Variants in SCAPER observed in about 807,000 individuals in gnomAD.
SCAPER encodes S phase cyclin A-associated protein in the endoplasmic reticulum.
SCAPER carries 98 observed loss-of-function variants against 182.2 expected under a neutral mutation model. The ratio of observed to expected loss-of-function variants is 0.54; its 90% confidence interval spans 0.46 to 0.64. The LOEUF is 0.64. SCAPER is among the 30% of genes least tolerant of loss of function. SCAPER has a pLI of 0.00. For missense variants in SCAPER, 1,432 were observed against 1,690.0 expected, an observed-to-expected ratio of 0.85 and a Z score of 2.68; for synonymous variants, 605 against 564.6, an observed-to-expected ratio of 1.07 and a Z score of -1.01.
intron 1 of SCAPER, among the ~76,000 whole-genome samples, chr15:76,895,096 C>T (rs1182236702): frequency 6.6e-6 from 1 of 152,130 alleles, no homozygotes; most frequent in East Asian, 1.9e-4. Flanking sequence ...ATTACAGGCC[C>T]ATATCCCTGA....
At chr15:76,740,913 G>A (rs990749786) in intron 15 of SCAPER, among the ~76,000 whole-genome samples, 1 of 151,992 alleles carries the variant, frequency 6.6e-6, no homozygotes, top group Non-Finnish European at 1.5e-5. Context: ...GATGATATAC[G>A]AGTGCTAATT....
At chr15:76,654,880 G>A (rs1029813257) in intron 21 of SCAPER, among the ~76,000 whole-genome samples, 3 of 152,102 alleles carry the variant, frequency 2.0e-5, no homozygotes, top group African/African-American at 7.2e-5. Context: ...AAACCTCCAA[G>A]GGCAGCAAAG....
At chr15:76,406,403 G>A (rs1004745904) in intron 26 of SCAPER, among the ~76,000 whole-genome samples, 1 of 151,854 alleles carries the variant, frequency 6.6e-6, no homozygotes, top group African/African-American at 2.4e-5. Flanking sequence ...GCTTGAACCC[G>A]GGAAGTCGAA....
rs886263280 is a variant in SCAPER at position 76,351,438 on chromosome 15, G to A, written c.4048-150C>T. The A allele has an allele frequency of 7.1e-6, 4 of 559,528 alleles. No homozygotes were observed. In the South Asian group the frequency reaches 1.2e-4, roughly 16 times the overall value. 34.7% of individuals were successfully genotyped at this position (559,528 alleles called of 1,614,324 possible). On this transcript the variant is annotated intron_variant, in intron 30 of 31. Transcript: ENST00000563290. ...TAAACGCTGAAGAAACTGATGTTAC[G>A]TAGTGCAGGTTCTCATAAATAGTAA...
Position 76,440,180 on chromosome 15 carries a change from A to T in SCAPER, c.3079-5870T>A, listed in dbSNP as rs73442149. On this transcript the variant is annotated intron_variant, in intron 25 of 31. Coordinates refer to ENST00000563290, the MANE Select transcript of SCAPER (RefSeq NM_020843.4). ...AGGAGAAAAAGACTTCCTTGAGGAT[A>T]CAGAAATCATCAGGGCTGGAATAGA... is the stretch of plus-strand genomic sequence containing the variant. Among the ~76,000 whole-genome samples the T allele has an allele frequency of 4.5e-3, 679 of 152,362 alleles. 7 individuals are homozygous for T. The highest frequency in any genetic ancestry group is 0.016 in the African/African-American group (647 of 41,588).
chr15:76,497,009 A>T (rs2040612170), intron 24 of SCAPER, among the ~76,000 whole-genome samples: 2 of 151,982 alleles, frequency 1.3e-5, no homozygotes, highest in Admixed American at 1.3e-4. Context: ...GAGAAAATGA[A>T]CAACCATACC....
chr15:76,472,114 C>G, intron 24 of SCAPER: 1 of 364,428 alleles, frequency 2.7e-6, no homozygotes, highest in South Asian at 2.3e-5. Flanking sequence ...CAAGAAAAAG[C>G]TGAAGGGGAT....
intron 15 of SCAPER, among the ~76,000 whole-genome samples, chr15:76,749,656 A>G (rs1418762181): frequency 4.6e-5 from 7 of 151,706 alleles, no homozygotes; most frequent in Admixed American, 6.6e-5. Context: ...TTAAAACAAA[A>G]TATCATTGAA....
At chr15:76,573,232 G>GA (rs1428015585) in intron 23 of SCAPER, among the ~76,000 whole-genome samples, 1 of 151,974 alleles carries the variant, frequency 6.6e-6, no homozygotes, top group East Asian at 1.9e-4. Flanking sequence ...CCCTTTAAAG[G>GA]AATCATGAAT....
chr15:76,530,954 G>A (rs1450839644), intron 23 of SCAPER, among the ~76,000 whole-genome samples: 1 of 150,454 alleles, frequency 6.6e-6, no homozygotes, highest in Non-Finnish European at 1.5e-5. Context: ...TGTATATACA[G>A]GTATATATGT....
At chr15:76,803,475 C>T (rs929653781) in intron 6 of SCAPER, among the ~76,000 whole-genome samples, 1 of 152,218 alleles carries the variant, frequency 6.6e-6, no homozygotes, top group Non-Finnish European at 1.5e-5. Flanking sequence ...TACTTAACAT[C>T]AGTCTTTCCT....
intron 21 of SCAPER, among the ~76,000 whole-genome samples, chr15:76,624,831 G>T (rs2052420187): frequency 1.3e-5 from 2 of 152,296 alleles, no homozygotes; most frequent in African/African-American, 4.8e-5. Context: ...AGCTTGCTCT[G>T]GTGACAGGGG....
At chr15:76,426,995 C>A (rs1596557773) in intron 26 of SCAPER, among the ~76,000 whole-genome samples, 1 of 152,164 alleles carries the variant, frequency 6.6e-6, no homozygotes, top group Admixed American at 6.5e-5. Flanking sequence ...ATAAACCGTG[C>A]TGGGATAATT....
At chr15:76,819,934 G>A (rs569040569) in intron 5 of SCAPER, among the ~76,000 whole-genome samples, 8 of 152,216 alleles carry the variant, frequency 5.3e-5, no homozygotes, top group Non-Finnish European at 1.2e-4. Flanking sequence ...CAAAGGATAT[G>A]AGCAGACATT....
chr15:76,701,909 A>G (rs771941909), intron 19 of SCAPER, 44 bp from the exon 20 acceptor site: 2 of 1,427,918 alleles, frequency 1.4e-6, no homozygotes, highest in South Asian at 2.3e-5. Context: ...ATAACATTAT[A>G]TGAATTTTAA....
chr15:76,829,531 C>A (rs1226489389), intron 5 of SCAPER, among the ~76,000 whole-genome samples: 1 of 152,146 alleles, frequency 6.6e-6, no homozygotes, highest in Non-Finnish European at 1.5e-5. Flanking sequence ...TTTCCTTCCC[C>A]ATCAGCTTAG....
chr15:76,719,279 C>T (rs1380815971), intron 17 of SCAPER, among the ~76,000 whole-genome samples: 1 of 151,950 alleles, frequency 6.6e-6, no homozygotes, highest in Non-Finnish European at 1.5e-5. Flanking sequence ...GTAAAATGAG[C>T]CACACATGGA....
intron 23 of SCAPER, among the ~76,000 whole-genome samples, chr15:76,549,531 G>A (rs890520922): frequency 1.3e-5 from 2 of 152,132 alleles, no homozygotes; most frequent in African/African-American, 4.8e-5. Flanking sequence ...GTCACTCATA[G>A]GTGGGAACTG....
At chr15:76,724,767 T>C (rs542043504) in intron 17 of SCAPER, among the ~76,000 whole-genome samples, 5 of 152,234 alleles carry the variant, frequency 3.3e-5, no homozygotes, top group Admixed American at 6.5e-5. Context: ...GCCATGGTTT[T>C]CAGCTCTATC....
Sources: allele counts gnomAD v4.1 joint callset (sites outside exome capture counted in the v4.1 genomes callset), GRCh38; gene constraint gnomAD v4.1.1; transcripts MANE v1.5; gene names NCBI Gene and HGNC (gene_info 2026-07-23, HGNC 2026-07-21).